XYLT1: variants seen among roughly 807,000 people sequenced by gnomAD.
XYLT1 encodes the protein xylosyltransferase 1.
Under a neutral mutation model 91.3 loss-of-function variants are expected in XYLT1, and 36 were observed. The observed-to-expected ratio is 0.39, with a 90% CI of 0.30 to 0.52. The LOEUF (loss-of-function observed/expected upper bound fraction) is 0.52. XYLT1 is among the 20% of genes least tolerant of loss of function. XYLT1 has a pLI of 0.68. For synonymous variants in XYLT1, 588 were observed against 532.0 expected (o/e 1.11, Z -1.45); for missense variants, 1,242 against 1,284.5 (o/e 0.97, Z 0.51).
At position 17,238,460 on chromosome 16, in the gene XYLT1, AG is replaced by A. The variant is rs199982592; in HGVS notation, c.913+20527del. 2.6e-5 allele frequency among the ~76,000 whole-genome samples: 4 copies of A among 152,256 alleles called. No homozygotes were observed. In the East Asian group the frequency reaches 7.7e-4, roughly 29 times the overall value. ...TTGCAACCACTCAGCTCTGCCCTTG[AG>A]GTTGGAAAGTAGCCACAGATGATGC... On this transcript the variant is annotated intron_variant, in intron 3 of 11. Coordinates refer to ENST00000261381, the MANE Select transcript of XYLT1 (RefSeq NM_022166.4).
chr16:17,247,328 T>C (rs932953529), intron 3 of XYLT1, among the ~76,000 whole-genome samples: 1 of 152,054 alleles, frequency 6.6e-6, no homozygotes, highest in Non-Finnish European at 1.5e-5. Flanking sequence ...GAATCTCCAT[T>C]CTCTGCCTTG....
At chr16:17,394,071 G>A (rs1033529286) in intron 1 of XYLT1, among the ~76,000 whole-genome samples, 1 of 152,160 alleles carries the variant, frequency 6.6e-6, no homozygotes, top group Non-Finnish European at 1.5e-5. Flanking sequence ...CACCACGCCC[G>A]GCCAATTGAT....
At chr16:17,427,351 T>C in intron 1 of XYLT1, among the ~76,000 whole-genome samples, 1 of 152,246 alleles carries the variant, frequency 6.6e-6, no homozygotes, top group South Asian at 2.1e-4. Context: ...TAGGCTGGTG[T>C]GCAGTGGTGC....
At chr16:17,315,593 A>G (rs564272524) in intron 2 of XYLT1, among the ~76,000 whole-genome samples, 1 of 152,206 alleles carries the variant, frequency 6.6e-6, no homozygotes, top group Non-Finnish European at 1.5e-5. Context: ...GAAGTCAAAG[A>G]TAAGTCTATT....
chr16:17,469,710 G>A (rs2036953187), intron 1 of XYLT1, among the ~76,000 whole-genome samples: 1 of 152,176 alleles, frequency 6.6e-6, no homozygotes, highest in Non-Finnish European at 1.5e-5. Context: ...TGAACCGGCC[G>A]CAACAAGACA....
At chr16:17,383,752 CTT>C (rs71373109) in intron 1 of XYLT1, among the ~76,000 whole-genome samples, 2 of 135,582 alleles carry the variant, frequency 1.5e-5, no homozygotes, top group African/African-American at 2.7e-5. Flanking sequence ...GTGGAATTTT[CTT>C]TTTTTTTTTT....
At position 17,470,540 on chromosome 16, in the gene XYLT1, C is replaced by T; in HGVS notation, c.257G>A (p.Gly86Glu). 2 of 1,224,056 alleles carry T rather than the reference C, an allele frequency of 1.6e-6. No individual in the cohort carries two copies. Among genetic ancestry groups the T allele is most frequent in the Non-Finnish European group, 1.0e-6 (1 of 983,472 alleles). The allele number at this position is 1,224,056 out of a possible 1,614,324, so 75.8% of individuals were successfully genotyped here. Residue 86 changes from glycine (G) to glutamate (E), a missense_variant, in exon 1 of 12, where the codon GGA becomes GAA. Transcript: ENST00000261381. The part of the protein sequence containing the change: ...AARGGGGGGG[G>E]GGGGRGPQAR... ...CTGGGGCCCCCGTCCTCCTCCTCCTCCGCCGCCGCCTCCTCCTCCTCCTCG... is the reference window on the plus strand; with the variant it reads ...CTGGGGCCCCCGTCCTCCTCCTCCTTCGCCGCCGCCTCCTCCTCCTCCTCG...
intron 1 of XYLT1, among the ~76,000 whole-genome samples, chr16:17,387,470 C>T (rs772120433): frequency 6.6e-5 from 10 of 152,140 alleles, no homozygotes; most frequent in Non-Finnish European, 1.2e-4. Context: ...CCCAGCTTTC[C>T]GGAGAAGGGC....
At chr16:17,127,554 T>A (rs1433021635) in intron 10 of XYLT1, 112 bp downstream of exon 10, 8 of 1,289,696 alleles carry the variant, frequency 6.2e-6, no homozygotes, top group Non-Finnish European at 8.6e-6. Context: ...TCTTTAGGGA[T>A]CTCCAAGTCC....
chr16:17,335,559 G>A (rs1444334073), intron 2 of XYLT1, among the ~76,000 whole-genome samples: 1 of 151,808 alleles, frequency 6.6e-6, no homozygotes, highest in South Asian at 2.1e-4. Context: ...GCATGGTGGC[G>A]GGCGCCTGTA....
chr16:17,203,178 A>G (rs2032574446), intron 3 of XYLT1, among the ~76,000 whole-genome samples: 1 of 152,236 alleles, frequency 6.6e-6, no homozygotes, highest in Admixed American at 6.5e-5. Context: ...GGAAAAGTTT[A>G]TAACAATTGC....
At chr16:17,157,835 G>A (rs1401518486) in intron 6 of XYLT1, among the ~76,000 whole-genome samples, 2 of 152,054 alleles carry the variant, frequency 1.3e-5, no homozygotes, top group African/African-American at 2.4e-5. Flanking sequence ...TGCAACCTCC[G>A]CCTCCCAGGT....
intron 2 of XYLT1, among the ~76,000 whole-genome samples, chr16:17,274,699 T>G (rs1280431189): frequency 6.6e-6 from 1 of 152,024 alleles, no homozygotes; most frequent in Non-Finnish European, 1.5e-5. Context: ...AGCCTCATCT[T>G]GAGAAGAAAG....
At chr16:17,115,693 T>C (rs2141481800) in intron 11 of XYLT1, among the ~76,000 whole-genome samples, 1 of 147,950 alleles carries the variant, frequency 6.8e-6, no homozygotes, top group African/African-American at 2.5e-5. Flanking sequence ...GCCAGGCTGG[T>C]CAGGCTGGTC....
intron 2 of XYLT1, among the ~76,000 whole-genome samples, chr16:17,266,731 TG>T (rs1354434453): frequency 6.6e-6 from 1 of 152,220 alleles, no homozygotes; most frequent in Non-Finnish European, 1.5e-5. Context: ...CACAGCCGGC[TG>T]GGTAGTTATT....
At chr16:17,271,799 C>T (rs1225300308) in intron 2 of XYLT1, among the ~76,000 whole-genome samples, 1 of 152,162 alleles carries the variant, frequency 6.6e-6, no homozygotes. Flanking sequence ...CCATACTGGC[C>T]GATCTCAGCT....
rs936386377 is a variant in XYLT1, at chr16:17,383,694, G to A, written c.364-25644C>T. Among the ~76,000 whole-genome samples the A allele has an allele frequency of 2.6e-5, 4 of 151,596 alleles. No homozygotes were observed. The Admixed American group carries it at 2.6e-4, about 10-fold the overall frequency. ...TCTTGGGCACTGGAAACAGGCCAGG[G>A]TGTGTTTTCCAACTCAGCTACTTTC... On this transcript the variant is annotated intron_variant, in intron 1 of 11. Coordinates refer to ENST00000261381, the MANE Select transcript of XYLT1 (RefSeq NM_022166.4).
At chr16:17,292,690 G>A (rs926931467) in intron 2 of XYLT1, among the ~76,000 whole-genome samples, 1 of 152,244 alleles carries the variant, frequency 6.6e-6, no homozygotes, top group African/African-American at 2.4e-5. Context: ...ATGAAGCAGA[G>A]AAATCCCTGG....
At chr16:17,438,082 A>C (rs1264968765) in intron 1 of XYLT1, among the ~76,000 whole-genome samples, 3 of 152,222 alleles carry the variant, frequency 2.0e-5, no homozygotes, top group South Asian at 2.1e-4. Context: ...ACTGGGTAGA[A>C]GGAAGGAGCA....
Sources: gnomAD v4.1 joint callset for allele counts (sites outside exome capture counted in the v4.1 genomes callset) on GRCh38, gnomAD v4.1.1 for gene constraint, MANE v1.5 for transcripts, NCBI Gene and HGNC (gene_info 2026-07-23, HGNC 2026-07-21) for gene names.